Variants in EFCC1 observed in about 807,000 individuals in gnomAD.
EFCC1 encodes the protein EF-hand and coiled-coil domain-containing protein 1.
Under a neutral mutation model 52.1 loss-of-function variants are expected in EFCC1, and 50 were observed. That is an observed-to-expected ratio of 0.96 (90% CI 0.76 to 1.21). The LOEUF (loss-of-function observed/expected upper bound fraction) is 1.21, where lower values mean the gene tolerates loss of function less well. Among genes scored for constraint, EFCC1 ranks in the 50% most tolerant of loss-of-function variants. The probability of loss-of-function intolerance (pLI) is 0.00; values close to 1 mark genes in which losing one functional copy is unlikely to be tolerated. For missense variants in EFCC1, 837 were observed against 867.3 expected (o/e 0.97, Z 0.44); for synonymous variants, 399 against 396.5 (o/e 1.01, Z -0.08).
chr3:129,013,174 G>C (rs1321213011), intron 2 of EFCC1, among the ~76,000 whole-genome samples: 1 of 151,928 alleles, frequency 6.6e-6, no homozygotes, highest in Non-Finnish European at 1.5e-5. Context: ...GACACAAGGG[G>C]GTGGGCATCA....
Position 129,002,011 on chromosome 3 carries a change from A to G in EFCC1, c.383A>G (p.Glu128Gly). 1 of 1,545,968 alleles carries G rather than the reference A, an allele frequency of 6.5e-7. No homozygotes were observed. Among genetic ancestry groups the G allele is most frequent in the Non-Finnish European group, 8.7e-7 (1 of 1,145,230 alleles). Residue 128 changes from glutamate to glycine, a missense_variant, in exon 1 of 8, where the codon GAG becomes GGG. Glu to Gly is a moderately conservative substitution (Grantham distance 98). Coordinates refer to ENST00000683648, the MANE Select transcript of EFCC1 (RefSeq NM_001377500.1). Reference protein sequence around the residue: ...ATDGDSDTDEEARLALRAEPP... With the variant: ...ATDGDSDTDEGARLALRAEPP... ...GACGGGGACTCAGATACCGATGAAG[A>G]GGCGCGCCTGGCGCTGCGCGCCGAG...
intron 1 of EFCC1, 150 bp downstream of exon 1, chr3:129,002,474 C>T: frequency 1.5e-6 from 2 of 1,352,298 alleles, no homozygotes; most frequent in Middle Eastern, 2.7e-4. Context: ...AGCACACTTG[C>T]ATCTTGCCCC....
chr3:129,020,349 T>C (rs571386607), intron 2 of EFCC1, among the ~76,000 whole-genome samples: 85 of 152,216 alleles, frequency 5.6e-4, no homozygotes, highest in Non-Finnish European at 1.1e-3. Flanking sequence ...ATTTAAAAGA[T>C]TGGGAAGGCT....
At chr3:129,015,073 T>C (rs1274412176) in intron 2 of EFCC1, among the ~76,000 whole-genome samples, 7 of 152,120 alleles carry the variant, frequency 4.6e-5, no homozygotes, top group Non-Finnish European at 7.3e-5. Context: ...CAGGTTAATC[T>C]TTTCAACACC....
chr3:129,024,540 GAAAAAA>G (rs112647641), intron 2 of EFCC1, among the ~76,000 whole-genome samples: 1 of 136,378 alleles, frequency 7.3e-6, no homozygotes, highest in Non-Finnish European at 1.6e-5. Flanking sequence ...CAAAAAAAAA[GAAAAAA>G]AAAAAGAAAA....
chr3:129,038,043 G>A (rs1946378210), intron 6 of EFCC1, among the ~76,000 whole-genome samples: 1 of 148,518 alleles, frequency 6.7e-6, no homozygotes, highest in Non-Finnish European at 1.5e-5. Context: ...CAGCCTGGGT[G>A]ACAGAGTAAG....
Position 129,038,845 on chromosome 3 carries a change from A to G in EFCC1, c.1608A>G (p.Arg536=), listed in dbSNP as rs768416477. The G allele has an allele frequency of 6.2e-7, 1 of 1,613,960 alleles. No homozygotes were observed. The highest frequency in any genetic ancestry group is 8.5e-7 in the Non-Finnish European group (1 of 1,180,022). Residue 536 remains arginine, a synonymous_variant, in exon 7 of 8, where the codon AGA becomes AGG. Coordinates refer to ENST00000683648, the MANE Select transcript of EFCC1 (RefSeq NM_001377500.1). ...TTCTTTTTAAGAACATATCGAAAAG[A>G]GCCCTGGGGAAGATTTTGCTGAGCA... is the stretch of plus-strand genomic sequence containing the variant. ...QRLRDLNISK[R]ALGKILLSTL...
rs1340992443 is a variant in EFCC1, at chr3:129,010,844, C to T, written c.980+6767C>T. Among the ~76,000 whole-genome samples, 1 of 152,188 alleles carries T rather than the reference C, an allele frequency of 6.6e-6. No homozygotes were observed. The highest frequency in any genetic ancestry group is 1.5e-5 in the Non-Finnish European group (1 of 68,032). On this transcript the variant is annotated intron_variant, in intron 2 of 7. Transcript: ENST00000683648. The surrounding 1 kb of genome is among the most constrained non-coding windows in gnomAD (Gnocchi z 4.3). Reference sequence around the variant, plus strand: ...TCAGGCTCACAAAGAGGCAGACCCACTCAGGCACCCACTGCATGCCCCAGG... The same window carrying T: ...TCAGGCTCACAAAGAGGCAGACCCATTCAGGCACCCACTGCATGCCCCAGG...
intron 2 of EFCC1, among the ~76,000 whole-genome samples, chr3:129,005,223 G>A (rs73865534): frequency 0.02 from 3,054 of 152,340 alleles, 104 homozygotes; most frequent in African/African-American, 0.068. Context: ...CAGATGCGTG[G>A]CAGCAGGCAG....
chr3:129,002,000 T>C lies in EFCC1; in HGVS notation c.372T>C (p.Asp124=), dbSNP rs1179865997. 5.8e-6 allele frequency: 9 copies of C among 1,545,894 alleles called. No individual in the cohort carries two copies. The highest frequency in any genetic ancestry group is 1.4e-5 in the African/African-American group (1 of 72,446). The change falls in exon 1 of 8, where the codon GAT becomes GAC. Residue 124 remains aspartate (D), a synonymous_variant. Coordinates refer to ENST00000683648, the MANE Select transcript of EFCC1 (RefSeq NM_001377500.1). ...AAELATDGDS[D]TDEEARLALR... ...AGTTGGCCACGGACGGGGACTCAGA[T>C]ACCGATGAAGAGGCGCGCCTGGCGC... is the stretch of plus-strand genomic sequence containing the variant.
intron 2 of EFCC1, among the ~76,000 whole-genome samples, chr3:129,007,249 T>C (rs1195850811): frequency 6.6e-6 from 1 of 152,226 alleles, no homozygotes; most frequent in Non-Finnish European, 1.5e-5. Flanking sequence ...CTGCTTTTGC[T>C]TTTCAAGTGC....
At chr3:129,015,296 A>G (rs956251585) in intron 2 of EFCC1, among the ~76,000 whole-genome samples, 1 of 152,064 alleles carries the variant, frequency 6.6e-6, no homozygotes, top group Non-Finnish European at 1.5e-5. Context: ...AGGTCTTGCC[A>G]GACCCCAACT....
At chr3:129,023,952 G>A (rs1199534641) in intron 2 of EFCC1, among the ~76,000 whole-genome samples, 1 of 152,188 alleles carries the variant, frequency 6.6e-6, no homozygotes, top group Non-Finnish European at 1.5e-5. Flanking sequence ...TCCAAGAGCA[G>A]GTGAATAGGT....
At chr3:129,006,051 A>G (rs556777339) in intron 2 of EFCC1, among the ~76,000 whole-genome samples, 50 of 152,372 alleles carry the variant, frequency 3.3e-4, no homozygotes, top group African/African-American at 1.1e-3. Context: ...TTTAGTCCCC[A>G]TAAGGTTGTA....
At chr3:129,018,281 G>T (rs1472446084) in intron 2 of EFCC1, among the ~76,000 whole-genome samples, 1 of 152,294 alleles carries the variant, frequency 6.6e-6, no homozygotes, top group African/African-American at 2.4e-5. Context: ...TCCGGGGTTA[G>T]CAAACTACAG....
intron 2 of EFCC1, among the ~76,000 whole-genome samples, chr3:129,027,823 G>A (rs1323047870): frequency 6.6e-6 from 1 of 151,944 alleles, no homozygotes; most frequent in Non-Finnish European, 1.5e-5. Context: ...GCATGGTGGC[G>A]GGCGCCTGTA....
At chr3:129,016,324 A>G (rs1028855399) in intron 2 of EFCC1, among the ~76,000 whole-genome samples, 1 of 152,142 alleles carries the variant, frequency 6.6e-6, no homozygotes, top group Non-Finnish European at 1.5e-5. Flanking sequence ...GTGAAAGAGA[A>G]GTTCCACCTG....
rs759442651 is a variant in EFCC1 at position 129,004,049 on chromosome 3, C to T, written c.952C>T (p.Arg318Trp). 2 of 1,510,660 alleles carry T rather than the reference C, an allele frequency of 1.3e-6. No homozygotes were observed. The highest frequency in any genetic ancestry group is 2.4e-5 in the South Asian group (2 of 82,860). The allele number at this position is 1,510,660 out of a possible 1,614,324, so 93.6% of individuals were successfully genotyped here. The change falls in exon 2 of 8, where the codon CGG becomes TGG. Residue 318 changes from arginine to tryptophan, a missense_variant. Arg to Trp is a moderately radical substitution (Grantham distance 101). Coordinates refer to ENST00000683648, the MANE Select transcript of EFCC1 (RefSeq NM_001377500.1). ...GCCCGGCTTGCAGCGCTGGGTGCGG[C>T]GGCTGGAGGCGGAGCTGCAACGCTA... ...QVPGLQRWVR[R>W]LEAELQRYRS...
chr3:129,039,358 A>G (rs1458806308), intron 7 of EFCC1, among the ~76,000 whole-genome samples: 1 of 152,192 alleles, frequency 6.6e-6, no homozygotes, highest in African/African-American at 2.4e-5. Flanking sequence ...CAGGAATGCC[A>G]GCTTATGCCT....
Sources: allele counts gnomAD v4.1 joint callset (sites outside exome capture counted in the v4.1 genomes callset), GRCh38; gene constraint gnomAD v4.1.1; non-coding constraint Gnocchi (gnomAD v3.1); transcripts MANE v1.5; gene names NCBI Gene and HGNC (gene_info 2026-07-23, HGNC 2026-07-21).